RBFOX1: variants seen among roughly 807,000 people sequenced by gnomAD.
The protein encoded by RBFOX1 is RNA binding fox-1 homolog 1.
Under a neutral mutation model 57.7 loss-of-function variants are expected in RBFOX1, and 8 were observed. That is an observed-to-expected ratio of 0.14 (90% CI 0.08 to 0.25). The LOEUF (loss-of-function observed/expected upper bound fraction) is 0.25, where lower values mean the gene tolerates loss of function less well. RBFOX1 is among the 10% of genes least tolerant of loss of function. RBFOX1 has a pLI of 1.00. For synonymous variants in RBFOX1, 326 were observed against 222.4 expected (o/e 1.47, Z -4.15); for missense variants, 611 against 548.5 (o/e 1.11, Z -1.14).
At chr16:7,292,269 CGTATT>C (rs1568064411) in intron 4 of RBFOX1, among the ~76,000 whole-genome samples, 2 of 108,284 alleles carry the variant, frequency 1.8e-5, no homozygotes, top group Non-Finnish European at 1.8e-5. Flanking sequence ...TGATATAGAA[CGTATT>C]ATATATCATA....
chr16:6,963,201 G>A (rs1000088033), intron 3 of RBFOX1, among the ~76,000 whole-genome samples: 1 of 152,076 alleles, frequency 6.6e-6, no homozygotes, highest in South Asian at 2.1e-4. Flanking sequence ...AGTCCGTCAT[G>A]CCATAATTTT....
At chr16:7,404,731 C>T (rs1239062617) in intron 4 of RBFOX1, among the ~76,000 whole-genome samples, 1 of 152,010 alleles carries the variant, frequency 6.6e-6, no homozygotes, top group Non-Finnish European at 1.5e-5. Context: ...CAAACAAAAC[C>T]GAATGCACTT....
At chr16:6,230,321 A>G (rs2097449358) in intron 1 of RBFOX1, among the ~76,000 whole-genome samples, 1 of 152,132 alleles carries the variant, frequency 6.6e-6, no homozygotes, top group Non-Finnish European at 1.5e-5. Flanking sequence ...TAATTATAAC[A>G]ATGTTGTTAT....
At chr16:7,118,271 C>T (rs1387010376) in intron 4 of RBFOX1, among the ~76,000 whole-genome samples, 1 of 152,098 alleles carries the variant, frequency 6.6e-6, no homozygotes, top group East Asian at 1.9e-4. Context: ...CACTTTTTAA[C>T]AGTGGTCATT....
chr16:5,245,321 G>T (rs1370041469), intron 1 of RBFOX1, among the ~76,000 whole-genome samples: 15 of 152,312 alleles, frequency 9.8e-5, no homozygotes, highest in Non-Finnish European at 2.2e-4. Flanking sequence ...GTTGACTTTG[G>T]ACTCATTGGC....
At chr16:6,871,967 C>G (rs185171061) in intron 3 of RBFOX1, among the ~76,000 whole-genome samples, 2 of 131,070 alleles carry the variant, frequency 1.5e-5, no homozygotes, top group Non-Finnish European at 3.3e-5. Flanking sequence ...GTGTGTTTCC[C>G]TCGGTAGAGT....
At chr16:6,706,061 A>G (rs1453529056) in intron 3 of RBFOX1, among the ~76,000 whole-genome samples, 2 of 152,196 alleles carry the variant, frequency 1.3e-5, no homozygotes, top group Non-Finnish European at 2.9e-5. Context: ...GATGGACAGA[A>G]TTGTGGACCA....
intron 2 of RBFOX1, among the ~76,000 whole-genome samples, chr16:5,562,196 T>G (rs11641064): frequency 1.3e-5 from 2 of 152,004 alleles, no homozygotes; most frequent in East Asian, 3.9e-4. Flanking sequence ...TTATTTCTGC[T>G]CCATCCAAGT....
chr16:6,470,475 C>T (rs1017526598), intron 2 of RBFOX1, among the ~76,000 whole-genome samples: 1 of 152,222 alleles, frequency 6.6e-6, no homozygotes, highest in Non-Finnish European at 1.5e-5. Context: ...TTGGCTTGGA[C>T]ATGAATAGTG....
In RBFOX1 at chr16:5,909,046, G is replaced by C. The variant is rs575113433; in HGVS notation, c.351+41711G>C. On this transcript the variant is annotated intron_variant, in intron 4 of 19. Transcript: ENST00000641259. ...ATTTCTTTTGTGTATAAACCACTTA[G>C]TTCATGGTATTTTATTATATCGGCT... Among the ~76,000 whole-genome samples the C allele has an allele frequency of 5.5e-5, 8 of 146,306 alleles. No homozygotes were observed. In the East Asian group the frequency reaches 1.7e-3, roughly 30 times the overall value.
chr16:6,380,398 ATTTTTTTTTTTTTT>A (rs60498960), intron 2 of RBFOX1, among the ~76,000 whole-genome samples: 5 of 49,118 alleles, frequency 1.0e-4, no homozygotes, highest in Admixed American at 3.0e-4. Context: ...AATGGTGGGG[ATTTTTTTTTTTTTT>A]TTTTTTTTTT....
chr16:7,706,552 C>G (rs1044253047), intron 14 of RBFOX1, among the ~76,000 whole-genome samples: 7 of 152,140 alleles, frequency 4.6e-5, no homozygotes, highest in African/African-American at 1.7e-4. Context: ...GAAATTATTG[C>G]CACAGTAAAA....
chr16:6,760,983 G>T (rs188109886), intron 3 of RBFOX1, among the ~76,000 whole-genome samples: 21 of 152,278 alleles, frequency 1.4e-4, no homozygotes, highest in Admixed American at 1.4e-3. Context: ...CTCCCTAAAA[G>T]TTGACTGAGC....
At chr16:5,275,290 C>A (rs1183822756) in intron 1 of RBFOX1, among the ~76,000 whole-genome samples, 1 of 152,098 alleles carries the variant, frequency 6.6e-6, no homozygotes, top group Non-Finnish European at 1.5e-5. Flanking sequence ...TTGATCATTT[C>A]TTTGTGTTGG....
At chr16:6,513,257 C>T (rs1009897511) in intron 2 of RBFOX1, among the ~76,000 whole-genome samples, 5 of 152,188 alleles carry the variant, frequency 3.3e-5, no homozygotes, top group South Asian at 2.1e-4. Flanking sequence ...GCACTTAGCA[C>T]AGTGGTTGCC....
intron 1 of RBFOX1, among the ~76,000 whole-genome samples, chr16:6,310,861 C>T (rs1442353777): frequency 6.6e-6 from 1 of 150,816 alleles, no homozygotes; most frequent in Non-Finnish European, 1.5e-5. Context: ...GCCAGGACTC[C>T]CTGAAGCTAT....
At chr16:6,252,735 A>C (rs890820398) in intron 1 of RBFOX1, among the ~76,000 whole-genome samples, 2 of 152,238 alleles carry the variant, frequency 1.3e-5, no homozygotes, top group Non-Finnish European at 2.9e-5. Context: ...AGATAAGTAC[A>C]TAATTAGCAT....
intron 2 of RBFOX1, among the ~76,000 whole-genome samples, chr16:6,636,980 ATATG>A (rs2098442008): frequency 7.9e-6 from 1 of 126,630 alleles, no homozygotes; most frequent in South Asian, 2.2e-4. Context: ...ATATTTATGT[ATATG>A]TATCATTATG....
chr16:6,796,801 A>G (rs994843202), intron 3 of RBFOX1, among the ~76,000 whole-genome samples: 2 of 152,210 alleles, frequency 1.3e-5, no homozygotes, highest in Admixed American at 6.5e-5. Context: ...TCCCTCAGTC[A>G]TAAATATCTA....
Sources: allele counts gnomAD v4.1 joint callset (sites outside exome capture counted in the v4.1 genomes callset), GRCh38; gene constraint gnomAD v4.1.1; transcripts MANE v1.5; gene names NCBI Gene and HGNC (gene_info 2026-07-23, HGNC 2026-07-21).